Variants in FYN observed in about 807,000 individuals in gnomAD.
The protein encoded by FYN is FYN proto-oncogene, Src family tyrosine kinase.
A neutral mutation model predicts 70.2 loss-of-function variants in FYN; 10 were observed. The ratio of observed to expected loss-of-function variants is 0.14; its 90% confidence interval spans 0.09 to 0.24. The LOEUF is 0.24. Ranked by LOEUF, FYN falls within the 10% of genes least tolerant of loss-of-function variation. The probability of loss-of-function intolerance (pLI) is 1.00; values close to 1 mark genes in which losing one functional copy is unlikely to be tolerated. For missense variants in FYN, 319 were observed against 673.1 expected (o/e 0.47, Z 5.82); for synonymous variants, 236 against 248.6 (o/e 0.95, Z 0.48).
rs142727728 is a variant in FYN, at chr6:111,694,030, G to C, written c.1273+345C>G. 2.6e-3 allele frequency among the ~76,000 whole-genome samples: 389 copies of C among 152,246 alleles called. 2 individuals are homozygous for C. Among genetic ancestry groups the C allele is most frequent in the Non-Finnish European group, 4.0e-3 (273 of 68,020 alleles). On this transcript the variant is annotated intron_variant, in intron 12 of 13. Transcript: ENST00000354650. This position sits in a 1 kb window ranked among gnomAD's most constrained non-coding sequence, Gnocchi z 5.0. ...GCCTGTGCCTTTGTAAAAAACACAG[G>C]CATGTGAGAATGTGAGAATAAATGT... is the stretch of plus-strand genomic sequence containing the variant.
chr6:111,849,490 A>C (rs1038521964), intron 1 of FYN, among the ~76,000 whole-genome samples: 1 of 152,212 alleles, frequency 6.6e-6, no homozygotes, highest in African/African-American at 2.4e-5. Context: ...ACCAGTACAC[A>C]GTCAAAGGAG....
At chr6:111,772,209 T>C (rs1484708025) in intron 3 of FYN, among the ~76,000 whole-genome samples, 1 of 152,154 alleles carries the variant, frequency 6.6e-6, no homozygotes, top group East Asian at 1.9e-4. Context: ...ATGTTTAGCC[T>C]AATCACAGCA....
At chr6:111,662,845 A>G (rs1179582536) in intron 13 of FYN, among the ~76,000 whole-genome samples, 2 of 152,172 alleles carry the variant, frequency 1.3e-5, no homozygotes, top group Admixed American at 1.3e-4. Flanking sequence ...GGGGAGATAG[A>G]CCATGTCCGG....
Position 111,694,456 on chromosome 6 carries a change from C to A in FYN, c.1192G>T (p.Val398Leu). 1 of 1,614,244 alleles carries A rather than the reference C, an allele frequency of 6.2e-7. No homozygotes were observed. Among genetic ancestry groups the A allele is most frequent in the Non-Finnish European group, 8.5e-7 (1 of 1,180,034 alleles). Reference protein sequence around the residue: ...HRDLRSANILVGNGLICKIAD... With the variant: ...HRDLRSANILLGNGLICKIAD... ...ATCTTGCATATGAGTCCATTCCCCA[C>A]TAGAATGTTTGCTGATCGCAGATCT... Residue 398 changes from valine to leucine, a missense_variant, in exon 12 of 14, where the codon GTG becomes TTG. Val to Leu is a conservative substitution (Grantham distance 32). Transcript: ENST00000354650. This position sits in a 1 kb window ranked among gnomAD's most constrained non-coding sequence, Gnocchi z 5.0.
intron 13 of FYN, among the ~76,000 whole-genome samples, chr6:111,673,619 A>ACTGTTTTTTTTT (rs1301768351): frequency 4.6e-5 from 3 of 65,010 alleles, no homozygotes; most frequent in Non-Finnish European, 6.5e-5. Flanking sequence ...CGTTTCTATC[A>ACTGTTTTTTTTT]TTGTTTTTTT....
At chr6:111,703,385 C>A (rs1277981193) in intron 7 of FYN, among the ~76,000 whole-genome samples, 1 of 152,184 alleles carries the variant, frequency 6.6e-6, no homozygotes, top group Admixed American at 6.5e-5. Flanking sequence ...GCTTGCTTCC[C>A]TTGTCTTCTC....
intron 8 of FYN, among the ~76,000 whole-genome samples, chr6:111,702,128 T>C (rs1316407671): frequency 2.0e-5 from 3 of 152,220 alleles, no homozygotes; most frequent in Non-Finnish European, 4.4e-5. Flanking sequence ...TGTGCACCTA[T>C]ATCTATAGGC....
intron 2 of FYN, among the ~76,000 whole-genome samples, chr6:111,790,247 TACACACACACACACACACACACAC>T (rs61565042): frequency 2.9e-4 from 36 of 125,954 alleles, no homozygotes; most frequent in African/African-American, 8.3e-4. Context: ...GAACCTTAGA[TACACACACACACACACACACACAC>T]ACACACACAC....
intron 1 of FYN, among the ~76,000 whole-genome samples, chr6:111,862,484 C>T (rs1295585816): frequency 6.6e-6 from 1 of 152,158 alleles, no homozygotes; most frequent in Non-Finnish European, 1.5e-5. Context: ...CCTCATAGCG[C>T]AGATGCCCAG....
At chr6:111,669,649 T>C (rs1164877201) in intron 13 of FYN, among the ~76,000 whole-genome samples, 2 of 152,102 alleles carry the variant, frequency 1.3e-5, no homozygotes, top group East Asian at 1.9e-4. Context: ...GGAAAATATA[T>C]ATCCATGTGT....
chr6:111,745,407 A>C (rs865934294), intron 3 of FYN, among the ~76,000 whole-genome samples: 1 of 152,126 alleles, frequency 6.6e-6, no homozygotes, highest in Non-Finnish European at 1.5e-5. Context: ...TGGGCATCTG[A>C]GTGGGGCCTG....
intron 2 of FYN, among the ~76,000 whole-genome samples, chr6:111,791,527 TAAAG>T (rs1427806342): frequency 6.6e-6 from 1 of 151,070 alleles, no homozygotes. Context: ...TGACTGTCCT[TAAAG>T]AAAGAAAAAA....
intron 4 of FYN, 155 bp from the exon 5 acceptor site, chr6:111,714,598 GT>G: frequency 1.6e-6 from 1 of 634,212 alleles, no homozygotes; most frequent in Non-Finnish European, 2.8e-6. Flanking sequence ...CAAAACCACA[GT>G]CACAGGGCTG....
chr6:111,809,005 C>T (rs1404269068), intron 2 of FYN, among the ~76,000 whole-genome samples: 1 of 152,078 alleles, frequency 6.6e-6, no homozygotes, highest in African/African-American at 2.4e-5. Flanking sequence ...TTTTATGAAG[C>T]CCCCATTGCT....
chr6:111,842,469 C>T (rs1011203594), intron 2 of FYN, among the ~76,000 whole-genome samples: 2 of 152,152 alleles, frequency 1.3e-5, no homozygotes, highest in Non-Finnish European at 2.9e-5. Context: ...CTCTCCCTCA[C>T]CTCCCTTAAG....
intron 3 of FYN, among the ~76,000 whole-genome samples, chr6:111,744,963 G>C (rs1371276011): frequency 1.3e-5 from 2 of 152,060 alleles, no homozygotes; most frequent in Non-Finnish European, 1.5e-5. Context: ...CTTATTGCTT[G>C]GAAAAATAAA....
chr6:111,830,923 T>C (rs946555036), intron 2 of FYN, among the ~76,000 whole-genome samples: 1 of 151,322 alleles, frequency 6.6e-6, no homozygotes, highest in South Asian at 2.1e-4. Flanking sequence ...TTGTAGACAC[T>C]GTAGACATGG....
At chr6:111,670,838 A>G (rs936235729) in intron 13 of FYN, among the ~76,000 whole-genome samples, 3 of 152,200 alleles carry the variant, frequency 2.0e-5, no homozygotes, top group Non-Finnish European at 4.4e-5. Flanking sequence ...AAAGGTATTA[A>G]GGTGAAATGA....
At chr6:111,682,692 C>A (rs144359696) in intron 12 of FYN, among the ~76,000 whole-genome samples, 5 of 152,302 alleles carry the variant, frequency 3.3e-5, no homozygotes, top group African/African-American at 1.2e-4. Flanking sequence ...GGAAGGACCA[C>A]TATGATCATT....
Sources: allele counts gnomAD v4.1 joint callset (sites outside exome capture counted in the v4.1 genomes callset), GRCh38; gene constraint gnomAD v4.1.1; non-coding constraint Gnocchi (gnomAD v3.1); transcripts MANE v1.5; gene names NCBI Gene and HGNC (gene_info 2026-07-23, HGNC 2026-07-21).